Variants in AKAP17A observed in about 807,000 individuals in gnomAD.
AKAP17A encodes the protein A-kinase anchoring protein 17A.
A neutral mutation model predicts 52.2 loss-of-function variants in AKAP17A; 15 were observed. That is an observed-to-expected ratio of 0.29 (90% CI 0.19 to 0.44). AKAP17A has a LOEUF of 0.44. Ranked by LOEUF, AKAP17A falls within the 20% of genes least tolerant of loss-of-function variation. The pLI, the probability that AKAP17A is intolerant of heterozygous loss-of-function variation, is 1.00. For missense variants in AKAP17A, 1,060 were observed against 1,007.0 expected (o/e 1.05, Z -0.71); for synonymous variants, 514 against 424.7 (o/e 1.21, Z -2.58).
At chrX:1,595,948 G>A (rs752131620) in intron 3 of AKAP17A, among the ~76,000 whole-genome samples, 2 of 152,242 alleles carry the variant, frequency 1.3e-5, no homozygotes, top group African/African-American at 4.8e-5. Flanking sequence ...GCAGGCCTGT[G>A]GGTGCTCAGC....
At position 1,593,315 on chromosome X, in the gene AKAP17A, T is replaced by C. The variant is rs1932871195; in HGVS notation, c.-19-129T>C. On this transcript the variant is annotated intron_variant, in intron 1 of 4. Transcript: ENST00000313871. ...GCTGTTAACAAAGTGGAAACCGGTC[T>C]CTGACACGGCAGAGAGACACTGCTG... The C allele has an allele frequency of 3.2e-6, 3 of 924,528 alleles. No homozygotes were observed. In the South Asian group the frequency reaches 4.8e-5, roughly 15 times the overall value. 57.3% of individuals were successfully genotyped at this position (924,528 alleles called of 1,614,324 possible). A position where few individuals can be genotyped will look rare whatever the true frequency, so the allele number is the denominator to read the frequency against.
In AKAP17A at chrX:1,601,851, G is replaced by A. The variant is rs1375400009; in HGVS notation, c.*257G>A. ...AAACTTGATCCGATAGCTTTAATGC[G>A]GCCGGTCCTCTCTCAGTCAGGAAAA... On this transcript the variant is annotated 3_prime_UTR_variant, in exon 5 of 5. Transcript: ENST00000313871. The A allele has an allele frequency of 6.0e-4, 240 of 397,780 alleles. 1 individual carries two copies. The highest frequency in any genetic ancestry group is 1.5e-3 in the East Asian group (40 of 27,398). The allele number at this position is 397,780 out of a possible 1,614,324, so 24.6% of individuals were successfully genotyped here.
intron 1 of AKAP17A, among the ~76,000 whole-genome samples, chrX:1,592,282 C>T (rs1358458191): frequency 6.6e-6 from 1 of 151,736 alleles, no homozygotes; most frequent in Admixed American, 6.6e-5. Flanking sequence ...ACCGAGTGGC[C>T]AAGGGCCTGA....
chrX:1,596,988 C>T (rs1470454569), intron 3 of AKAP17A, among the ~76,000 whole-genome samples: 1 of 151,524 alleles, frequency 6.6e-6, no homozygotes, highest in Non-Finnish European at 1.5e-5. Flanking sequence ...TTTGGTGCGT[C>T]CTGCACGTCT....
chrX:1,600,662 G>T lies in AKAP17A; in HGVS notation c.1156G>T (p.Val386Leu), dbSNP rs1394016632. 6.5e-7 allele frequency: 1 copy of T among 1,537,666 alleles called. No homozygotes were observed. The highest frequency in any genetic ancestry group is 8.8e-7 in the Non-Finnish European group (1 of 1,141,312). The part of the protein sequence containing the change: ...IAELLSRAKA[V>L]KLREQEQKEE... ...TGCACTTTCCTCTTCCCCGCAGGCT[G>T]TGAAGCTACGGGAACAGGAGCAGAA... The change falls in exon 5 of 5, where the codon GTG becomes TTG. Residue 386 changes from valine (V) to leucine (L), a missense_variant. Transcript: ENST00000313871.
chrX:1,600,573 G>A (rs1933304277), intron 4 of AKAP17A, 86 bp from the exon 5 acceptor site: 4 of 1,294,800 alleles, frequency 3.1e-6, no homozygotes, highest in South Asian at 1.5e-5. Flanking sequence ...AGACCATGGG[G>A]CCTCCAAACA....
rs1366828112 is a variant in AKAP17A at position 1,600,814 on chromosome X, G to A, written c.1308G>A (p.Glu436=). 1 of 1,592,116 alleles carries A rather than the reference G, an allele frequency of 6.3e-7. No individual in the cohort carries two copies. Among genetic ancestry groups the A allele is most frequent in the Admixed American group, 1.7e-5 (1 of 57,532 alleles). The change falls in exon 5 of 5, where the codon GAG becomes GAA. Residue 436 remains glutamate, a synonymous_variant. Transcript: ENST00000313871. ...AGCGGAAAGAGCGGGAGCTGCGCGAGCGGCTGCTGAGCATCCTGCTGAGCA... is the reference window on the plus strand; with the variant it reads ...AGCGGAAAGAGCGGGAGCTGCGCGAACGGCTGCTGAGCATCCTGCTGAGCA... ...GLQRKERELR[E]RLLSILLSKK...
intron 3 of AKAP17A, among the ~76,000 whole-genome samples, chrX:1,598,370 C>G (rs1933136368): frequency 6.6e-6 from 1 of 152,270 alleles, no homozygotes; most frequent in Non-Finnish European, 1.5e-5. Flanking sequence ...GTCCCCGTGT[C>G]TCCTCTCCCC....
At chrX:1,600,270 T>C (rs1933282417) in intron 4 of AKAP17A, 2 of 1,153,570 alleles carry the variant, frequency 1.7e-6, no homozygotes, top group South Asian at 1.3e-5. Context: ...GGCGGTGGCA[T>C]GCGTCTGCGG....
intron 4 of AKAP17A, chrX:1,600,216 TGAA>T: frequency 5.3e-6 from 7 of 1,314,450 alleles, no homozygotes; most frequent in Non-Finnish European, 7.0e-6. Context: ...TGGTGAATAT[TGAA>T]GACACTAACC....
chrX:1,600,723 G>A lies in AKAP17A; in HGVS notation c.1217G>A (p.Arg406Gln), dbSNP rs764611309. ...CTGAGGCTCCAGCAGCAGGAGGAGC[G>A]GCGGCGGCTGCAGGAGGCCGAGCTG... ...EKLRLQQQEE[R>Q]RRLQEAELRR... Residue 406 changes from arginine to glutamine, a missense_variant, in exon 5 of 5, where the codon CGG becomes CAG. Physicochemically the swap from Arg to Gln is conservative, Grantham distance 43. This residue lies in a region of AKAP17A where 793 missense variants were observed against 629.9 expected (regional missense o/e 1.26). Transcript: ENST00000313871. 1.7e-5 allele frequency: 26 copies of A among 1,546,770 alleles called. No individual in the cohort carries two copies. In the East Asian group the frequency reaches 2.4e-4, roughly 14 times the overall value.
At chrX:1,597,476 TG>T (rs1933066976) in intron 3 of AKAP17A, among the ~76,000 whole-genome samples, 1 of 151,966 alleles carries the variant, frequency 6.6e-6, no homozygotes, top group Non-Finnish European at 1.5e-5. Context: ...GGTTCGGATG[TG>T]GGGTTGAGTC....
intron 3 of AKAP17A, 121 bp from the exon 4 acceptor site, chrX:1,599,067 TAAAG>T: frequency 1.4e-6 from 2 of 1,446,104 alleles, no homozygotes; most frequent in Non-Finnish European, 1.9e-6. Context: ...CACCTTGGGA[TAAAG>T]AGTTAAATGC....
In AKAP17A at chrX:1,602,437, T is replaced by C. The variant is rs1933440573; in HGVS notation, c.*843T>C. Reference sequence around the variant, plus strand: ...AAGCTCAGAAATACCTAAAAATAGCTGTAACGTTCGCGTTAGGAAAGATGG... The same window carrying C: ...AAGCTCAGAAATACCTAAAAATAGCCGTAACGTTCGCGTTAGGAAAGATGG... On this transcript the variant is annotated 3_prime_UTR_variant, in exon 5 of 5. Coordinates refer to ENST00000313871, the MANE Select transcript of AKAP17A (RefSeq NM_005088.3). The C allele has an allele frequency of 6.6e-6, 1 of 152,230 alleles. No homozygotes were observed. The highest frequency in any genetic ancestry group is 1.5e-5 in the Non-Finnish European group (1 of 68,040). 9.4% of individuals were successfully genotyped at this position (152,230 alleles called of 1,614,324 possible).
chrX:1,598,388 C>T (rs1471118804), intron 3 of AKAP17A, among the ~76,000 whole-genome samples: 1 of 152,164 alleles, frequency 6.6e-6, no homozygotes, highest in Non-Finnish European at 1.5e-5. Context: ...CCCTTGGTGT[C>T]TGCGTGGGTC....
In AKAP17A at chrX:1,594,063, G is replaced by A; in HGVS notation, c.601G>A (p.Gly201Ser). The A allele has an allele frequency of 6.2e-7, 1 of 1,613,352 alleles. No individual in the cohort carries two copies. Among genetic ancestry groups the A allele is most frequent in the Non-Finnish European group, 8.5e-7 (1 of 1,179,634 alleles). The change falls in exon 2 of 5, where the codon GGC (glycine) becomes AGC (serine). Residue 201 changes from glycine to serine, a missense_variant. Gly to Ser is a moderately conservative substitution (Grantham distance 56). Coordinates refer to ENST00000313871, the MANE Select transcript of AKAP17A (RefSeq NM_005088.3). ...MLDPYREEMTGRNFHTFSFGG... is the reference protein window; with the variant it reads ...MLDPYREEMTSRNFHTFSFGG... ...GGACCCCTACCGGGAGGAGATGACG[G>A]GCCGCAACTTCCACACCTTCAGTTT...
Position 1,595,473 on chromosome X carries a change from A to T in AKAP17A, c.852A>T (p.Gln284His). ...AGAAGCTTCAGGAACTGGAGCAGCAAAGAGAAGAACAAAAGCGCAGAGAGA... is the reference window on the plus strand; with the variant it reads ...AGAAGCTTCAGGAACTGGAGCAGCATAGAGAAGAACAAAAGCGCAGAGAGA... The part of the protein sequence containing the change: ...ERQKLQELEQ[Q>H]REEQKRREKE... Residue 284 changes from glutamine (Q) to histidine (H), a missense_variant, in exon 3 of 5, where the codon CAA (glutamine) becomes CAT (histidine). Gln to His is a conservative substitution (Grantham distance 24). Coordinates refer to ENST00000313871, the MANE Select transcript of AKAP17A (RefSeq NM_005088.3). The T allele has an allele frequency of 6.2e-7, 1 of 1,613,996 alleles. No individual in the cohort carries two copies. Among genetic ancestry groups the T allele is most frequent in the Non-Finnish European group, 8.5e-7 (1 of 1,179,860 alleles).
At chrX:1,594,297 C>T (rs1350284142) in intron 2 of AKAP17A, 73 bp downstream of exon 2, 33 of 1,473,168 alleles carry the variant, frequency 2.2e-5, no homozygotes, top group African/African-American at 2.8e-5. Flanking sequence ...GTCAGCAGAA[C>T]GCTCCCAGCC....
intron 2 of AKAP17A, 139 bp downstream of exon 2, chrX:1,594,363 G>A (rs1932899431): frequency 9.7e-7 from 1 of 1,036,110 alleles, no homozygotes; most frequent in Non-Finnish European, 1.3e-6. Flanking sequence ...ACAGTCCTGT[G>A]CCTGTCCAAT....
Sources: allele counts gnomAD v4.1 joint callset (sites outside exome capture counted in the v4.1 genomes callset), GRCh38; gene constraint gnomAD v4.1.1; regional missense constraint gnomAD v4.1.1; transcripts MANE v1.5; gene names NCBI Gene and HGNC (gene_info 2026-07-23, HGNC 2026-07-21).